Variants in NTRK3 observed in about 807,000 individuals in gnomAD.
The protein encoded by NTRK3 is neurotrophic receptor tyrosine kinase 3, also known as NT-3 growth factor receptor.
In NTRK3, 24 loss-of-function variants were observed where a neutral mutation model predicts 91.7. The observed-to-expected ratio is 0.26, with a 90% CI of 0.19 to 0.37. NTRK3 has a LOEUF of 0.37. NTRK3 is among the 10% of genes least tolerant of loss of function. The pLI is 1.00. For missense variants in NTRK3, 880 were observed against 1,068.9 expected (o/e 0.82, Z 2.46); for synonymous variants, 483 against 404.0 (o/e 1.20, Z -2.34).
chr15:87,867,182 C>T, exon 19 of NTRK3: 1 of 225,478 alleles, frequency 4.4e-6, no homozygotes, highest in Middle Eastern at 1.4e-3. Context: ...ATCACTTGGT[C>T]CAGGGGGCTG....
chr15:88,167,098 T>G (rs2045036079), intron 5 of NTRK3, among the ~76,000 whole-genome samples: 1 of 152,302 alleles, frequency 6.6e-6, no homozygotes, highest in Admixed American at 6.5e-5. Flanking sequence ...CTTTATGGTA[T>G]TATCCATATA....
intron 17 of NTRK3, among the ~76,000 whole-genome samples, chr15:87,924,748 A>G (rs1199514207): frequency 6.6e-6 from 1 of 152,140 alleles, no homozygotes; most frequent in Admixed American, 6.5e-5. Context: ...TCCTAATTCT[A>G]AATTCCCTTT....
intron 3 of NTRK3, among the ~76,000 whole-genome samples, chr15:88,213,368 G>C (rs1427434876): frequency 6.6e-6 from 1 of 152,162 alleles, no homozygotes. Context: ...CTTGCAGCCT[G>C]AATAAAATAA....
chr15:87,979,215 G>GCA (rs901651764), intron 14 of NTRK3: 46 of 778,462 alleles, frequency 5.9e-5, no homozygotes, highest in Middle Eastern at 2.4e-4. Context: ...GGGTGCCGGG[G>GCA]CACTGGTGGC....
chr15:88,127,041 T>G (rs2053361129), intron 12 of NTRK3, 121 bp downstream of exon 12: 1 of 880,488 alleles, frequency 1.1e-6, no homozygotes, highest in Admixed American at 2.0e-5. Flanking sequence ...GTAGTTCAAT[T>G]CATTACTTTT....
At chr15:88,137,298 G>A (rs1244302452) in intron 7 of NTRK3, 106 bp downstream of exon 7, 56 of 1,354,828 alleles carry the variant, frequency 4.1e-5, no homozygotes, top group Middle Eastern at 2.5e-4. Flanking sequence ...CTGGGAGGGC[G>A]TTTCGAAAGG....
chr15:88,047,628 C>G (rs1264254047), intron 13 of NTRK3, among the ~76,000 whole-genome samples: 1 of 152,166 alleles, frequency 6.6e-6, no homozygotes, highest in Non-Finnish European at 1.5e-5. Flanking sequence ...CTTCATGCAT[C>G]CATTAACCTA....
At chr15:88,254,905 A>T (rs1393127237) in intron 3 of NTRK3, among the ~76,000 whole-genome samples, 1 of 152,184 alleles carries the variant, frequency 6.6e-6, no homozygotes, top group Non-Finnish European at 1.5e-5. Context: ...CACCTGGCCG[A>T]GGTCAACGAA....
At position 87,909,598 on chromosome 15, in the gene NTRK3, T is replaced by A. The variant is rs139378057; in HGVS notation, c.2133+19593A>T. Among the ~76,000 whole-genome samples the A allele has an allele frequency of 2.2e-3, 336 of 152,018 alleles. 2 individuals carry two copies. Among genetic ancestry groups the A allele is most frequent in the Admixed American group, 4.1e-3 (62 of 15,268 alleles). ...GATGAAAGAAAGGACAGATGGGCAG[T>A]TGGGAAGAGAAGGTGTGATGGACTG... On this transcript the variant is annotated intron_variant, in intron 17 of 18. Coordinates refer to ENST00000394480, the Ensembl canonical transcript of NTRK3.
chr15:88,087,462 C>G (rs978629678), intron 13 of NTRK3, among the ~76,000 whole-genome samples: 2 of 152,186 alleles, frequency 1.3e-5, no homozygotes, highest in African/African-American at 4.8e-5. Context: ...GTCACTCAGC[C>G]TCATGAATTC....
chr15:88,029,059 T>A (rs768870798), intron 14 of NTRK3, among the ~76,000 whole-genome samples: 2 of 152,228 alleles, frequency 1.3e-5, no homozygotes, highest in African/African-American at 2.4e-5. Context: ...CTATCGGACC[T>A]GGCCCAAAGT....
At chr15:88,050,358 G>A (rs1054525953) in intron 13 of NTRK3, among the ~76,000 whole-genome samples, 3 of 152,006 alleles carry the variant, frequency 2.0e-5, no homozygotes, top group African/African-American at 7.2e-5. Context: ...ACTTCTAATG[G>A]GCCTAGGTAC....
rs183211869 is a variant in NTRK3, at chr15:87,872,505, G to A, written c.*4430C>T. 3.1e-3 allele frequency: 713 copies of A among 228,438 alleles called. 2 individuals are homozygous for A. The highest frequency in any genetic ancestry group is 0.011 in the Middle Eastern group (8 of 758). 14.2% of individuals were successfully genotyped at this position (228,438 alleles called of 1,614,324 possible). A position where few individuals can be genotyped will look rare whatever the true frequency, so the allele number is the denominator to read the frequency against. ...TTTCCAGTGGCCTGCATGAGAGATG[G>A]GCAGGCCTCTCTCCATATCTTGGAA... On this transcript the variant is annotated 3_prime_UTR_variant, in exon 19 of 19. Transcript: ENST00000394480.
rs541854866 is a variant in NTRK3, at chr15:88,131,272, A to G, written c.1205-2538T>C. ...AGTGTATTCATTCATTCATTCACCC[A>G]TTCATTCACTCATTGCGGGCCCTCA... On this transcript the variant is annotated intron_variant, in intron 10 of 18. Coordinates refer to ENST00000394480, the Ensembl canonical transcript of NTRK3. Among the ~76,000 whole-genome samples, 7 of 152,352 alleles carry G rather than the reference A, an allele frequency of 4.6e-5. No individual in the cohort carries two copies. The East Asian group carries it at 1.4e-3, about 29-fold the overall frequency.
intron 14 of NTRK3, among the ~76,000 whole-genome samples, chr15:88,007,840 T>C (rs1169600478): frequency 6.6e-6 from 1 of 152,216 alleles, no homozygotes; most frequent in African/African-American, 2.4e-5. Context: ...TAATCTCGTC[T>C]GTAAAATGGG....
At chr15:88,092,529 G>C (rs908043151) in intron 13 of NTRK3, among the ~76,000 whole-genome samples, 1 of 152,198 alleles carries the variant, frequency 6.6e-6, no homozygotes, top group Admixed American at 6.5e-5. Flanking sequence ...CCACAAGCCA[G>C]ACTGGCCAGA....
intron 5 of NTRK3, among the ~76,000 whole-genome samples, chr15:88,167,871 G>T (rs990340557): frequency 2.6e-5 from 4 of 152,154 alleles, no homozygotes; most frequent in Non-Finnish European, 5.9e-5. Context: ...CTGATATGAG[G>T]TATGATCTAG....
intron 15 of NTRK3, among the ~76,000 whole-genome samples, chr15:87,939,921 C>A (rs2069656477): frequency 6.6e-6 from 1 of 152,220 alleles, no homozygotes; most frequent in South Asian, 2.1e-4. Context: ...TAGCAAAGTC[C>A]CTTCTCTCCT....
At chr15:88,112,370 A>T (rs1420588616) in intron 13 of NTRK3, among the ~76,000 whole-genome samples, 1 of 152,216 alleles carries the variant, frequency 6.6e-6, no homozygotes, top group Non-Finnish European at 1.5e-5. Context: ...AGCATCACCC[A>T]TGTTGCTACC....
Sources: allele counts gnomAD v4.1 joint callset (sites outside exome capture counted in the v4.1 genomes callset), GRCh38; gene constraint gnomAD v4.1.1; transcripts MANE v1.5; gene names NCBI Gene and HGNC (gene_info 2026-07-23, HGNC 2026-07-21).